SOS1: variants seen among roughly 807,000 people sequenced by gnomAD.
The protein encoded by SOS1 is SOS Ras/Rac guanine nucleotide exchange factor 1, also known as son of sevenless homolog 1.
Under a neutral mutation model 157.6 loss-of-function variants are expected in SOS1, and 25 were observed. The observed-to-expected ratio is 0.16, with a 90% CI of 0.12 to 0.22. The LOEUF (loss-of-function observed/expected upper bound fraction) is 0.22, where lower values mean the gene tolerates loss of function less well. SOS1 is among the 10% of genes least tolerant of loss of function. The pLI is 1.00. For synonymous variants in SOS1, 528 were observed against 534.0 expected (o/e 0.99, Z 0.16); for missense variants, 1,237 against 1,599.1 (o/e 0.77, Z 3.86).
chr2:39,048,069 G>T (rs1297683801), intron 6 of SOS1, among the ~76,000 whole-genome samples: 1 of 152,036 alleles, frequency 6.6e-6, no homozygotes, highest in Non-Finnish European at 1.5e-5. Context: ...TATTAATTTT[G>T]TCTTTTGATG....
intron 1 of SOS1, among the ~76,000 whole-genome samples, chr2:39,102,657 T>A (rs985834026): frequency 6.6e-6 from 1 of 151,268 alleles, no homozygotes; most frequent in Admixed American, 6.6e-5. Flanking sequence ...AAAGAAAGAC[T>A]GGTGCGGCCG....
intron 1 of SOS1, among the ~76,000 whole-genome samples, chr2:39,114,732 G>C (rs1673582864): frequency 6.6e-6 from 1 of 152,122 alleles, no homozygotes; most frequent in Non-Finnish European, 1.5e-5. Flanking sequence ...GAGTAGCTGG[G>C]ATTACAGGCG....
Position 39,058,947 on chromosome 2 carries a change from A to C in SOS1, c.214-143T>G, listed in dbSNP as rs1032212437. On this transcript the variant is annotated intron_variant, in intron 2 of 22. Transcript: ENST00000402219. The stretch of plus-strand genomic sequence containing the variant: ...TTTACATTACAAACATATGAAGCTA[A>C]GAGAAAACAGTAATTGTCAATGTAT... 6.1e-6 allele frequency: 4 copies of C among 659,072 alleles called. No homozygotes were observed. The South Asian group carries it at 7.7e-5, about 13-fold the overall frequency. The allele number at this position is 659,072 out of a possible 1,614,324, so 40.8% of individuals were successfully genotyped here.
intron 8 of SOS1, 35 bp from the exon 9 acceptor site, chr2:39,024,172 T>C (rs763988416): frequency 5.1e-6 from 8 of 1,566,210 alleles, no homozygotes; most frequent in Non-Finnish European, 6.2e-6. Flanking sequence ...GAACCAGTAG[T>C]ACATTTTTGG....
intron 1 of SOS1, among the ~76,000 whole-genome samples, chr2:39,090,998 A>G (rs1272262228): frequency 6.6e-6 from 1 of 152,132 alleles, no homozygotes; most frequent in Non-Finnish European, 1.5e-5. Flanking sequence ...CCTCCCGAGT[A>G]AATGGGACTA....
intron 1 of SOS1, among the ~76,000 whole-genome samples, chr2:39,093,051 A>G (rs1345584279): frequency 6.6e-6 from 1 of 152,236 alleles, no homozygotes; most frequent in African/African-American, 2.4e-5. Context: ...ATGTCAAAAA[A>G]TCAGTTATTA....
intron 1 of SOS1, among the ~76,000 whole-genome samples, chr2:39,076,673 A>T (rs1672010260): frequency 6.6e-6 from 1 of 152,220 alleles, no homozygotes; most frequent in African/African-American, 2.4e-5. Flanking sequence ...CAAAAAGTGT[A>T]CAACAAAAAT....
At chr2:38,996,562 G>T (rs1057484153) in intron 19 of SOS1, among the ~76,000 whole-genome samples, 1 of 152,128 alleles carries the variant, frequency 6.6e-6, no homozygotes, top group Non-Finnish European at 1.5e-5. Context: ...ATTCATGGTT[G>T]AAAGTTCTAA....
intron 3 of SOS1, among the ~76,000 whole-genome samples, chr2:39,057,791 G>A (rs1204717313): frequency 6.6e-6 from 1 of 152,012 alleles, no homozygotes; most frequent in African/African-American, 2.4e-5. Context: ...CCATAAGGCA[G>A]GTATTTCTAT....
chr2:39,061,473 A>G (rs1052121401), intron 2 of SOS1, among the ~76,000 whole-genome samples: 1 of 152,104 alleles, frequency 6.6e-6, no homozygotes, highest in Non-Finnish European at 1.5e-5. Flanking sequence ...CTGGAGCCTC[A>G]GCCTCCTGGG....
intron 1 of SOS1, among the ~76,000 whole-genome samples, chr2:39,102,201 T>A (rs368408083): frequency 2.6e-4 from 1 of 3,902 alleles, no homozygotes; most frequent in Non-Finnish European, 1.0e-3. Flanking sequence ...CGAGACTCTG[T>A]CTCAAAAAAA....
rs777383378 is a variant in SOS1, at chr2:39,120,330, C to A, written c.87+6G>T. The A allele has an allele frequency of 2.0e-5, 32 of 1,580,890 alleles. No homozygotes were observed. Among genetic ancestry groups the A allele is most frequent in the Non-Finnish European group, 2.5e-5 (29 of 1,164,686 alleles). On this transcript the variant is annotated splice_donor_region_variant and intron_variant, in intron 1 of 22. Transcript: ENST00000402219. ...GCCGGGAAGCGGGGTCCCGCGTGCT[C>A]CTCACCTTTTTCAGCGCAGGCACCA... is the stretch of plus-strand genomic sequence containing the variant.
intron 1 of SOS1, among the ~76,000 whole-genome samples, chr2:39,095,562 A>G (rs747192282): frequency 3.3e-5 from 5 of 152,362 alleles, no homozygotes; most frequent in East Asian, 1.9e-4. Flanking sequence ...AGACACTGAA[A>G]TAAGTCCTCA....
intron 21 of SOS1, among the ~76,000 whole-genome samples, chr2:38,989,039 A>G (rs866800671): frequency 2.0e-5 from 3 of 151,508 alleles, no homozygotes; most frequent in African/African-American, 4.8e-5. Context: ...CTTATTTAAT[A>G]TGTTCTTTTA....
At chr2:39,036,844 G>A (rs541616787) in intron 6 of SOS1, among the ~76,000 whole-genome samples, 1 of 152,108 alleles carries the variant, frequency 6.6e-6, no homozygotes, top group Admixed American at 6.5e-5. Context: ...CAAAGTGCTA[G>A]GATTACAGGT....
intron 16 of SOS1, 82 bp from the exon 17 acceptor site, chr2:39,006,611 C>G: frequency 1.3e-6 from 1 of 765,894 alleles, no homozygotes; most frequent in Non-Finnish European, 2.4e-6. Context: ...ACAGAAACGC[C>G]CAAATACAAC....
chr2:39,036,293 G>A (rs1670340619), intron 6 of SOS1, among the ~76,000 whole-genome samples: 1 of 152,060 alleles, frequency 6.6e-6, no homozygotes, highest in Admixed American at 6.6e-5. Flanking sequence ...AGGCAGAAGG[G>A]AATGAAACAA....
intron 6 of SOS1, among the ~76,000 whole-genome samples, chr2:39,046,413 T>C (rs1670785281): frequency 6.6e-6 from 1 of 152,136 alleles, no homozygotes; most frequent in Non-Finnish European, 1.5e-5. Context: ...TTTAAACTTA[T>C]TTTTAAAACT....
At chr2:39,059,582 G>A (rs1391123124) in intron 2 of SOS1, among the ~76,000 whole-genome samples, 1 of 152,078 alleles carries the variant, frequency 6.6e-6, no homozygotes, top group Non-Finnish European at 1.5e-5. Context: ...TTACACATGT[G>A]TTTTGAATAA....
Sources: gnomAD v4.1 joint callset for allele counts (sites outside exome capture counted in the v4.1 genomes callset) on GRCh38, gnomAD v4.1.1 for gene constraint, MANE v1.5 for transcripts, NCBI Gene and HGNC (gene_info 2026-07-23, HGNC 2026-07-21) for gene names.